DNAAF6: variants seen among roughly 807,000 people sequenced by gnomAD.
DNAAF6 encodes PIH1 domain containing 3.
In DNAAF6, 3 loss-of-function variants were observed where a neutral mutation model predicts 13.7. That is an observed-to-expected ratio of 0.22 (90% confidence interval 0.10 to 0.56). DNAAF6 has a LOEUF of 0.56. Ranked by LOEUF, DNAAF6 falls within the 20% of genes least tolerant of loss-of-function variation. DNAAF6 has a pLI of 0.92. For missense variants in DNAAF6, 130 were observed against 151.0 expected (o/e 0.86, Z 0.73); for synonymous variants, 54 against 49.2 (o/e 1.10, Z -0.41).
chrX:107,222,195 A>T (rs1602682665), intron 4 of DNAAF6, among the ~76,000 whole-genome samples: 1 of 111,093 alleles, frequency 9.0e-6, no homozygotes, highest in South Asian at 3.8e-4. Flanking sequence ...AGCCGTGGAG[A>T]TCATTCAGTT....
intron 5 of DNAAF6, among the ~76,000 whole-genome samples, chrX:107,236,338 G>T (rs1269190767): frequency 2.7e-5 from 3 of 111,941 alleles, no homozygotes; most frequent in Non-Finnish European, 1.9e-5. Context: ...CCTTTAAATT[G>T]TTTGGTCAGT....
chrX:107,240,745 A>T (rs1928608383), intron 6 of DNAAF6, among the ~76,000 whole-genome samples: 1 of 111,923 alleles, frequency 8.9e-6, no homozygotes, highest in South Asian at 3.7e-4. Flanking sequence ...AGAGGAGGAA[A>T]GACGGAGAAA....
intron 5 of DNAAF6, among the ~76,000 whole-genome samples, chrX:107,227,486 GT>G (rs1030572463): frequency 5.1e-4 from 53 of 103,053 alleles, no homozygotes; most frequent in African/African-American, 1.1e-3. Context: ...GATGGACCTA[GT>G]TTTTTTTTTT....
intron 6 of DNAAF6, 68 bp downstream of exon 6, chrX:107,239,075 T>A: frequency 3.6e-6 from 4 of 1,103,042 alleles, no homozygotes; most frequent in Non-Finnish European, 4.7e-6. Context: ...TATTATTTTT[T>A]AAAATGTACA....
chrX:107,237,791 G>A (rs1328851735), intron 5 of DNAAF6, among the ~76,000 whole-genome samples: 1 of 111,783 alleles, frequency 8.9e-6, no homozygotes, highest in Admixed American at 9.5e-5. Context: ...ATACCATCCT[G>A]GCTAACACGG....
chrX:107,224,345 C>T (rs1433952369), intron 5 of DNAAF6, among the ~76,000 whole-genome samples: 1 of 111,996 alleles, frequency 8.9e-6, no homozygotes, highest in Non-Finnish European at 1.9e-5. Flanking sequence ...GGCACTTTGT[C>T]ACGTGTATAC....
chrX:107,217,979 T>A (rs898672619), intron 3 of DNAAF6, among the ~76,000 whole-genome samples: 13 of 112,544 alleles, frequency 1.2e-4, no homozygotes, highest in Non-Finnish European at 2.3e-4. Context: ...GATTCATATG[T>A]AAAATGTTAT....
intron 1 of DNAAF6, among the ~76,000 whole-genome samples, chrX:107,211,048 TA>T (rs894555451): frequency 3.6e-5 from 4 of 112,028 alleles, no homozygotes; most frequent in Admixed American, 9.5e-5. Flanking sequence ...TTGTAGTTCC[TA>T]AAAAGTCCTC....
Position 107,227,952 on chromosome X carries a change from T to C in DNAAF6, c.429+5111T>C, listed in dbSNP as rs938844470. ...GTAAAAGATGTCATATACATATTAC[T>C]TCATATATGTATCAGTAATTTTACA... On this transcript the variant is annotated intron_variant, in intron 5 of 6. Transcript: ENST00000372453. Among the ~76,000 whole-genome samples, 3 of 111,295 alleles carry C rather than the reference T, an allele frequency of 2.7e-5. No homozygotes were observed. In the Admixed American group the frequency reaches 2.9e-4, roughly 11 times the overall value.
intron 5 of DNAAF6, among the ~76,000 whole-genome samples, chrX:107,233,223 C>T (rs1204471105): frequency 2.7e-5 from 3 of 111,649 alleles, no homozygotes; most frequent in East Asian, 2.8e-4. Flanking sequence ...TGAGTTTTTA[C>T]GTTGTATATG....
intron 5 of DNAAF6, among the ~76,000 whole-genome samples, chrX:107,226,153 G>T (rs957581284): frequency 2.7e-5 from 3 of 111,969 alleles, no homozygotes; most frequent in Non-Finnish European, 5.6e-5. Flanking sequence ...TATTACAGTT[G>T]ATAAACTAAG....
chrX:107,229,164 G>A lies in DNAAF6; in HGVS notation c.429+6323G>A, dbSNP rs1928327265. Among the ~76,000 whole-genome samples the A allele has an allele frequency of 6.2e-5, 3 of 48,035 alleles. No individual in the cohort carries two copies. The Admixed American group carries it at 1.0e-3, about 16-fold the overall frequency. The allele number at this position is 48,035 out of a possible 115,157, so 41.7% of individuals were successfully genotyped here. On this transcript the variant is annotated intron_variant, in intron 5 of 6. Transcript: ENST00000372453. ...TTTTTTTTTTTTTTTTTGAGACAGAGTCCCGCTCTGTCGCTCAGGCTGGAG... is the reference window on the plus strand; with the variant it reads ...TTTTTTTTTTTTTTTTTGAGACAGAATCCCGCTCTGTCGCTCAGGCTGGAG...
chrX:107,229,327 G>A (rs1314861788), intron 5 of DNAAF6, among the ~76,000 whole-genome samples: 2 of 105,961 alleles, frequency 1.9e-5, no homozygotes, highest in Admixed American at 1.0e-4. Flanking sequence ...TAGTAGAGAC[G>A]GGTTCCCAGG....
intron 5 of DNAAF6, among the ~76,000 whole-genome samples, chrX:107,225,067 A>C: frequency 9.2e-6 from 1 of 108,629 alleles, no homozygotes; most frequent in Admixed American, 1.0e-4. Context: ...GTGGAAAGGT[A>C]TCCAGGCATG....
At chrX:107,231,442 T>A (rs1419957328) in intron 5 of DNAAF6, among the ~76,000 whole-genome samples, 1 of 112,082 alleles carries the variant, frequency 8.9e-6, no homozygotes, top group African/African-American at 3.2e-5. Context: ...ATTTTTGGGG[T>A]ATGTGTTAAG....
chrX:107,233,809 T>A, intron 5 of DNAAF6, among the ~76,000 whole-genome samples: 1 of 111,238 alleles, frequency 9.0e-6, no homozygotes. Context: ...AGATAAGGGA[T>A]GATGTACTAT....
intron 2 of DNAAF6, among the ~76,000 whole-genome samples, chrX:107,215,137 G>A (rs1213189201): frequency 9.0e-6 from 1 of 111,285 alleles, no homozygotes; most frequent in Non-Finnish European, 1.9e-5. Context: ...ATTGCCAGAT[G>A]GTTTTTAATG....
At chrX:107,227,698 T>G (rs966271469) in intron 5 of DNAAF6, among the ~76,000 whole-genome samples, 4 of 111,461 alleles carry the variant, frequency 3.6e-5, no homozygotes, top group Non-Finnish European at 7.5e-5. Context: ...ATAACACTCC[T>G]TCATAATGAT....
chrX:107,222,732 G>T lies in DNAAF6; in HGVS notation c.333-13G>T, dbSNP rs976595444. On this transcript the variant is annotated splice_polypyrimidine_tract_variant and intron_variant, in intron 4 of 6. Transcript: ENST00000372453. ...TTTCATCTGAGTCCCTATAATCATT[G>T]ATTTTTTTTCAGGTATGAGATTATA... 4.2e-6 allele frequency: 5 copies of T among 1,189,821 alleles called. No individual in the cohort carries two copies. The Admixed American group carries it at 9.4e-5, about 22-fold the overall frequency.
Sources: gnomAD v4.1 joint callset for allele counts (sites outside exome capture counted in the v4.1 genomes callset) on GRCh38, gnomAD v4.1.1 for gene constraint, MANE v1.5 for transcripts, NCBI Gene and HGNC (gene_info 2026-07-23, HGNC 2026-07-21) for gene names.